The following ARL10 variants were observed in gnomAD, a reference collection of about 807,000 sequenced individuals.
ARL10 encodes the protein ADP-ribosylation factor-like protein 10.
ARL10 carries 23 observed loss-of-function variants against 26.1 expected under a neutral mutation model. The observed-to-expected ratio is 0.88, with a 90% CI of 0.63 to 1.25. The LOEUF (loss-of-function observed/expected upper bound fraction) is 1.25. Ranked by LOEUF, ARL10 falls within the 50% of genes most tolerant of loss-of-function variation. ARL10 has a pLI of 0.00. For missense variants in ARL10, 300 were observed against 323.6 expected, an observed-to-expected ratio of 0.93 and a Z score of 0.56; for synonymous variants, 138 against 149.1, an observed-to-expected ratio of 0.93 and a Z score of 0.54.
At chr5:176,384,561 A>C (rs1755682598), downstream of ARL10, 1 of 615,808 alleles carries the variant, frequency 1.6e-6, no homozygotes, top group Non-Finnish European at 2.8e-6. Context: ...CCGAGGTGGG[A>C]GGATCTCTTG....
rs1768557912 is a variant in ARL10 at position 176,371,845 on chromosome 5, G to C, written c.685G>C (p.Glu229Gln). 2 of 1,614,084 alleles carry C rather than the reference G, an allele frequency of 1.2e-6. No homozygotes were observed. The highest frequency in any genetic ancestry group is 2.7e-5 in the African/African-American group (2 of 74,936). The change falls in exon 4 of 4, where the codon GAG becomes CAG. Residue 229 changes from glutamate to glutamine, a missense_variant. Glu to Gln is a conservative substitution (Grantham distance 29, BLOSUM62 2). Coordinates refer to ENST00000310389, the MANE Select transcript of ARL10 (RefSeq NM_173664.6). ...SIAPAGPTFE[E>Q]PGTVHIWKLL... is the part of the protein sequence containing the mutation. ...TGCCCCTGCAGGACCCACCTTTGAA[G>C]AGCCTGGCACCGTGCACATCTGGAA...
rs370075554 is a variant in ARL10 at position 176,397,585 on chromosome 5, C to T, written c.134-4156C>T. 1.5e-3 allele frequency: 2,295 copies of T among 1,541,744 alleles called. 5 individuals are homozygous for T. Among genetic ancestry groups the T allele is most frequent in the Non-Finnish European group, 1.9e-3 (2,085 of 1,124,342 alleles). On this transcript the variant is annotated intron_variant, in intron 1 of 1. Coordinates refer to the ARL10 transcript ENST00000514533. ...CCCCCTCATGTCCCCATGGCCCCCT[C>T]ATGTCCCTACAGCCCTCTCACCGGT...
chr5:176,371,343 A>C (rs1202581799), intron 3 of ARL10, among the ~76,000 whole-genome samples: 1 of 152,234 alleles, frequency 6.6e-6, no homozygotes, highest in East Asian at 1.9e-4. Context: ...AGATCGTGCC[A>C]CTGCACTCCA....
chr5:176,368,884 T>A lies in ARL10; in HGVS notation c.463T>A (p.Ser155Thr). ...GGATGTGCTGGTGTTTGTGGTGGAC[T>A]CGGCTGACCGACTGCGGCTGCCCTG... ...EVDVLVFVVD[S>T]ADRLRLPWAR... Residue 155 changes from serine (S) to threonine (T), a missense_variant, in exon 3 of 4, where the codon TCG becomes ACG. Transcript: ENST00000310389. This position sits in a 1 kb window ranked among gnomAD's most constrained non-coding sequence, Gnocchi z 4.1. The A allele has an allele frequency of 6.2e-7, 1 of 1,614,192 alleles. No homozygotes were observed. The highest frequency in any genetic ancestry group is 8.5e-7 in the Non-Finnish European group (1 of 1,180,024).
chr5:176,365,733 G>C lies in ARL10; in HGVS notation c.170G>C (p.Trp57Ser). The C allele has an allele frequency of 5.7e-6, 7 of 1,235,974 alleles. No individual in the cohort carries two copies. The highest frequency in any genetic ancestry group is 7.1e-6 in the Non-Finnish European group (7 of 988,872). 76.6% of individuals were successfully genotyped at this position (1,235,974 alleles called of 1,614,324 possible). A position where few individuals can be genotyped will look rare whatever the true frequency, so the allele number is the denominator to read the frequency against. ...WGAEAARLPE[W>S]DEWDPEDEED... The stretch of plus-strand genomic sequence containing the variant: ...GCGGAGGCTGCCCGCCTCCCCGAGT[G>C]GGACGAGTGGGACGTGAGTGCCGGG... The change falls in exon 1 of 4, where the codon TGG (tryptophan) becomes TCG (serine). Residue 57 changes from tryptophan to serine, a missense_variant. Physicochemically the swap from Trp to Ser is radical, Grantham distance 177 (BLOSUM62 -3). Coordinates refer to ENST00000310389, the MANE Select transcript of ARL10 (RefSeq NM_173664.6).
chr5:176,405,489 CAAAAAAAAAAAA>C (rs988554368), downstream of ARL10: 4 of 52,240 alleles, frequency 7.7e-5, no homozygotes, highest in Admixed American at 2.1e-4. Flanking sequence ...CCCTGTCTCT[CAAAAAAAAAAAA>C]AAAAAAAGAA....
chr5:176,400,288 G>A (rs891991887), intron 1 of ARL10, among the ~76,000 whole-genome samples: 1 of 152,196 alleles, frequency 6.6e-6, no homozygotes, highest in African/African-American at 2.4e-5. Flanking sequence ...TATAATATTT[G>A]TGAGATATTT....
At chr5:176,394,615 G>GCGAGAC (rs1756420494) in intron 1 of ARL10, among the ~76,000 whole-genome samples, 3 of 151,458 alleles carry the variant, frequency 2.0e-5, no homozygotes, top group South Asian at 2.1e-4. Flanking sequence ...CAGATGGAGA[G>GCGAGAC]CATCCTGGCT....
chr5:176,385,775 G>T (rs1755794287), downstream of ARL10, among the ~76,000 whole-genome samples: 1 of 152,184 alleles, frequency 6.6e-6, no homozygotes, highest in African/African-American at 2.4e-5. Context: ...ATCTAGAGCT[G>T]CCGGGTCTGG....
chr5:176,383,689 G>C (rs1755611397), downstream of ARL10, among the ~76,000 whole-genome samples: 1 of 152,262 alleles, frequency 6.6e-6, no homozygotes, highest in Non-Finnish European at 1.5e-5. Context: ...CCTAGTGGGG[G>C]GACTAGCGTG....
At position 176,375,275 on chromosome 5, in the gene ARL10, T is replaced by C. The variant is rs1326784083; in HGVS notation, c.*3380T>C. On this transcript the variant is annotated 3_prime_UTR_variant, in exon 4 of 4. Coordinates refer to ENST00000310389, the MANE Select transcript of ARL10 (RefSeq NM_173664.6). ...TTCCATCCATCCACCCATCCACCCATCCATCCATCCACCCATCCATCCATC... is the reference window on the plus strand; with the variant it reads ...TTCCATCCATCCACCCATCCACCCACCCATCCATCCACCCATCCATCCATC... The C allele has an allele frequency of 2.6e-4, 12 of 46,492 alleles. No homozygotes were observed. The highest frequency in any genetic ancestry group is 1.8e-3 in the East Asian group (3 of 1,664). The allele number at this position is 46,492 out of a possible 1,614,324, so 2.9% of individuals were successfully genotyped here. A position where few individuals can be genotyped will look rare whatever the true frequency, so the allele number is the denominator to read the frequency against.
At chr5:176,386,464 T>C, downstream of ARL10, 1 of 353,388 alleles carries the variant, frequency 2.8e-6, no homozygotes, top group South Asian at 2.2e-5. Flanking sequence ...ATAGCCTTAA[T>C]ATACATAAAA....
At chr5:176,387,886 CAAAGAA>C in intron 1 of ARL10, among the ~76,000 whole-genome samples, 1 of 152,166 alleles carries the variant, frequency 6.6e-6, no homozygotes, top group Middle Eastern at 3.4e-3. Context: ...GATTGAATAA[CAAAGAA>C]AAGGTGTAAG....
downstream of ARL10, among the ~76,000 whole-genome samples, chr5:176,382,658 AGGAG>A (rs571416467): frequency 6.0e-4 from 91 of 152,220 alleles, no homozygotes; most frequent in African/African-American, 1.8e-3. Flanking sequence ...GGATGGGCTG[AGGAG>A]GGAGGATCAC....
At chr5:176,383,832 A>C (rs1755616585), downstream of ARL10, 2 of 702,540 alleles carry the variant, frequency 2.8e-6, no homozygotes, top group Non-Finnish European at 4.6e-6. Context: ...AGAGCAAGTG[A>C]ACGTAGCACT....
chr5:176,398,195 A>T, intron 1 of ARL10: 1 of 688,728 alleles, frequency 1.5e-6, no homozygotes, highest in Non-Finnish European at 2.5e-6. Context: ...CTATCTTTGC[A>T]CTTGCTGTTC....
At chr5:176,366,069 C>T (rs1290061163) in intron 1 of ARL10, among the ~76,000 whole-genome samples, 2 of 152,138 alleles carry the variant, frequency 1.3e-5, no homozygotes, top group Admixed American at 6.5e-5. Flanking sequence ...GGTCGGCTCG[C>T]GCCCCTCCGG....
At position 176,371,821 on chromosome 5, in the gene ARL10, GCCC is replaced by G; in HGVS notation, c.663_665del (p.Pro222del). 1 of 1,614,196 alleles carries G rather than the reference GCCC, an allele frequency of 6.2e-7. No individual in the cohort carries two copies. Among genetic ancestry groups the G allele is most frequent in the East Asian group, 2.2e-5 (1 of 44,856 alleles). ...GGTTTTCCTCTTGGCAGCCAGCATT[GCCC>G]CTGCAGGACCCACCTTTGAAGAGCC... is the stretch of plus-strand genomic sequence containing the variant. On this transcript the variant is annotated inframe_deletion, in exon 4 of 4. Coordinates refer to ENST00000310389, the MANE Select transcript of ARL10 (RefSeq NM_173664.6).
At chr5:176,411,556 G>A in the ARL10 span, among the ~76,000 whole-genome samples, 15 of 152,148 alleles carry the variant, frequency 9.9e-5, no homozygotes, top group African/African-American at 2.9e-4. Flanking sequence ...AGTATTAAGC[G>A]CACTTACTAC....
Sources: gnomAD v4.1 joint callset for allele counts (sites outside exome capture counted in the v4.1 genomes callset) on GRCh38, gnomAD v4.1.1 for gene constraint, Gnocchi (gnomAD v3.1) non-coding constraint, MANE v1.5 for transcripts, NCBI Gene and HGNC (gene_info 2026-07-23, HGNC 2026-07-21) for gene names.